The following ANKRD12 variants were observed in gnomAD, a reference collection of about 807,000 sequenced individuals.
The protein encoded by ANKRD12 is ankyrin repeat domain-containing protein 12.
ANKRD12 carries 85 observed loss-of-function variants against 183.4 expected under a neutral mutation model. That is an observed-to-expected ratio of 0.46 (90% CI 0.39 to 0.56). The LOEUF is 0.56. ANKRD12 is among the 20% of genes least tolerant of loss of function. ANKRD12 has a pLI of 0.00. For missense variants in ANKRD12, 2,405 were observed against 2,357.1 expected, an observed-to-expected ratio of 1.02 and a Z score of -0.42; for synonymous variants, 914 against 800.2, an observed-to-expected ratio of 1.14 and a Z score of -2.40.
chr18:9,210,670 G>A (rs1460802753), intron 5 of ANKRD12, among the ~76,000 whole-genome samples: 2 of 129,142 alleles, frequency 1.5e-5, no homozygotes, highest in African/African-American at 5.8e-5. Flanking sequence ...AGGTTGCAGT[G>A]AGCCTAGATC....
intron 1 of ANKRD12, among the ~76,000 whole-genome samples, chr18:9,158,856 T>C (rs2030987737): frequency 6.6e-6 from 1 of 152,208 alleles, no homozygotes; most frequent in Admixed American, 6.5e-5. Context: ...GAAGACTTAC[T>C]CAATGTCTCT....
chr18:9,156,100 T>C (rs1481229657), intron 1 of ANKRD12, among the ~76,000 whole-genome samples: 9 of 130,106 alleles, frequency 6.9e-5, no homozygotes, highest in African/African-American at 2.6e-4. Context: ...ATCACGCCAC[T>C]GCACTCCAGC....
At chr18:9,156,687 T>C (rs1461737094) in intron 1 of ANKRD12, among the ~76,000 whole-genome samples, 2 of 152,210 alleles carry the variant, frequency 1.3e-5, no homozygotes, top group African/African-American at 2.4e-5. Context: ...ATAGCAGCAT[T>C]ATTCACAATA....
At chr18:9,253,067 T>A (rs1286310820) in intron 8 of ANKRD12, among the ~76,000 whole-genome samples, 1 of 152,172 alleles carries the variant, frequency 6.6e-6, no homozygotes, top group Non-Finnish European at 1.5e-5. Context: ...GTTAATTTTT[T>A]AAATGTTTAA....
intron 12 of ANKRD12, among the ~76,000 whole-genome samples, chr18:9,280,700 A>G (rs1008454810): frequency 6.6e-6 from 1 of 151,608 alleles, no homozygotes; most frequent in Non-Finnish European, 1.5e-5. Flanking sequence ...GAAGCAGGAG[A>G]CTCGCTTGAA....
intron 1 of ANKRD12, among the ~76,000 whole-genome samples, chr18:9,172,163 C>G (rs1270866003): frequency 6.6e-6 from 1 of 152,056 alleles, no homozygotes; most frequent in Non-Finnish European, 1.5e-5. Flanking sequence ...CTGCCCTTAA[C>G]ATTTTTTCTT....
At chr18:9,215,039 G>C (rs2036017193) in intron 6 of ANKRD12, among the ~76,000 whole-genome samples, 1 of 152,108 alleles carries the variant, frequency 6.6e-6, no homozygotes, top group Non-Finnish European at 1.5e-5. Flanking sequence ...TTAAAAAAAT[G>C]TCAAGATAAC....
chr18:9,162,213 C>T (rs2031518468), intron 1 of ANKRD12, among the ~76,000 whole-genome samples: 1 of 146,258 alleles, frequency 6.8e-6, no homozygotes, highest in East Asian at 2.0e-4. Context: ...CTCCTAAAGG[C>T]CCCAGTGTGT....
At position 9,255,393 on chromosome 18, in the gene ANKRD12, T is replaced by A; in HGVS notation, c.2126T>A (p.Leu709His). ...TTTAAAAGTGATGAAACTGAAGATC[T>A]CTTTTTAAATATGGAACATGAATCC... ...NFFKSDETED[L>H]FLNMEHESLT... The change falls in exon 9 of 13, where the codon CTC becomes CAC. Residue 709 changes from leucine to histidine, a missense_variant. Leu to His is a moderately conservative substitution (Grantham distance 99). Coordinates refer to ENST00000262126, the MANE Select transcript of ANKRD12 (RefSeq NM_015208.5). 6.3e-7 allele frequency: 1 copy of A among 1,590,616 alleles called. No individual in the cohort carries two copies. Among genetic ancestry groups the A allele is most frequent in the Non-Finnish European group, 8.5e-7 (1 of 1,173,444 alleles).
At chr18:9,170,225 C>T (rs1387126632) in intron 1 of ANKRD12, among the ~76,000 whole-genome samples, 2 of 152,216 alleles carry the variant, frequency 1.3e-5, no homozygotes, top group African/African-American at 2.4e-5. Flanking sequence ...ATCTTTGTGG[C>T]ATTCTCTGTA....
rs73396110 is a variant in ANKRD12, at chr18:9,277,116, T to C, written c.5907+1449T>C. On this transcript the variant is annotated intron_variant, in intron 11 of 12. Coordinates refer to ENST00000262126, the MANE Select transcript of ANKRD12 (RefSeq NM_015208.5). Reference sequence around the variant, plus strand: ...GGTTGAGTAAATATATACATACCTGTTGATTCCTTCTTTCTCCCAAAACTC... The same window carrying C: ...GGTTGAGTAAATATATACATACCTGCTGATTCCTTCTTTCTCCCAAAACTC... Among the ~76,000 whole-genome samples, 606 of 152,236 alleles carry C rather than the reference T, an allele frequency of 4.0e-3. 2 individuals carry two copies. The highest frequency in any genetic ancestry group is 0.014 in the African/African-American group (564 of 41,558).
At chr18:9,274,565 G>A (rs1253393452) in intron 10 of ANKRD12, among the ~76,000 whole-genome samples, 1 of 152,192 alleles carries the variant, frequency 6.6e-6, no homozygotes, top group Non-Finnish European at 1.5e-5. Context: ...GAGGGAGTAA[G>A]GAATGACTGC....
chr18:9,146,682 A>G (rs558003081), intron 1 of ANKRD12, among the ~76,000 whole-genome samples: 289 of 152,326 alleles, frequency 1.9e-3, no homozygotes, highest in Non-Finnish European at 3.4e-3. Flanking sequence ...TCTCCTTCTC[A>G]TCAACATGCT....
At chr18:9,141,339 T>C (rs545313350) in intron 1 of ANKRD12, among the ~76,000 whole-genome samples, 1 of 152,358 alleles carries the variant, frequency 6.6e-6, no homozygotes, top group East Asian at 1.9e-4. Flanking sequence ...TTGCTATTGA[T>C]ATCATGCTTC....
intron 11 of ANKRD12, among the ~76,000 whole-genome samples, chr18:9,278,903 C>T (rs1383774357): frequency 6.6e-6 from 1 of 152,058 alleles, no homozygotes; most frequent in African/African-American, 2.4e-5. Context: ...TGTACCTAAG[C>T]ATTATGATGA....
At chr18:9,145,148 G>A (rs1391161491) in intron 1 of ANKRD12, among the ~76,000 whole-genome samples, 2 of 152,048 alleles carry the variant, frequency 1.3e-5, no homozygotes, top group Non-Finnish European at 2.9e-5. Flanking sequence ...TTAGGTATGG[G>A]TTCTTGCTCT....
intron 3 of ANKRD12, 95 bp from the exon 4 acceptor site, chr18:9,204,381 T>G (rs968645199): frequency 8.4e-6 from 7 of 834,478 alleles, no homozygotes; most frequent in Non-Finnish European, 1.4e-5. Context: ...TAATAGCTTA[T>G]TAACTGGTGG....
In ANKRD12 at chr18:9,255,141, A is replaced by G; in HGVS notation, c.1874A>G (p.Lys625Arg). The G allele has an allele frequency of 6.3e-7, 1 of 1,586,288 alleles. No homozygotes were observed. ...EFGEKSNAKIKDEDHSPTFEN... is the reference protein window; with the variant it reads ...EFGEKSNAKIRDEDHSPTFEN... ...GGTGAAAAATCAAATGCCAAAATAAAGGATGAAGATCATAGTCCAACATTT... is the reference window on the plus strand; with the variant it reads ...GGTGAAAAATCAAATGCCAAAATAAGGGATGAAGATCATAGTCCAACATTT... The change falls in exon 9 of 13, where the codon AAG becomes AGG. Residue 625 changes from lysine (K) to arginine (R), a missense_variant. This residue lies in a region of ANKRD12 where 1,983 missense variants were observed against 1,725.9 expected (regional missense o/e 1.15). Coordinates refer to ENST00000262126, the MANE Select transcript of ANKRD12 (RefSeq NM_015208.5).
intron 2 of ANKRD12, among the ~76,000 whole-genome samples, chr18:9,194,657 C>T (rs1018271634): frequency 1.3e-5 from 2 of 152,132 alleles, no homozygotes; most frequent in Admixed American, 6.5e-5. Flanking sequence ...CACACCCAGC[C>T]AATTTTATTT....
Sources: gnomAD v4.1 joint callset for allele counts (sites outside exome capture counted in the v4.1 genomes callset) on GRCh38, gnomAD v4.1.1 for gene constraint, gnomAD v4.1.1 regional missense constraint, MANE v1.5 for transcripts, NCBI Gene and HGNC (gene_info 2026-07-23, HGNC 2026-07-21) for gene names.